MCF2L: variants seen among roughly 807,000 people sequenced by gnomAD.
MCF2L encodes guanine nucleotide exchange factor DBS.
MCF2L carries 97 observed loss-of-function variants against 153.4 expected under a neutral mutation model. That is an observed-to-expected ratio of 0.63 (90% CI 0.54 to 0.75). The LOEUF (loss-of-function observed/expected upper bound fraction) is 0.75, where lower values mean the gene tolerates loss of function less well. Among genes scored for constraint, MCF2L ranks in the 30% least tolerant of loss-of-function variants. MCF2L has a pLI of 0.00. For synonymous variants in MCF2L, 659 were observed against 632.2 expected (o/e 1.04, Z -0.64); for missense variants, 1,347 against 1,495.2 (o/e 0.90, Z 1.64).
rs1047262347 is a variant in MCF2L, at chr13:113,070,115, A to G, written c.938A>G (p.His313Arg). The change falls in exon 9 of 30, where the codon CAT becomes CGT. Residue 313 changes from histidine to arginine, a missense_variant. By Grantham distance (29) the His-to-Arg change is conservative. Transcript: ENST00000535094. The surrounding 1 kb of genome is among the most constrained non-coding windows in gnomAD (Gnocchi z 5.6). ...EAAFDEFWAK[H>R]QQKLEQCLQL... is the part of the protein sequence containing the mutation. ...GCCTTCGATGAGTTCTGGGCAAAGC[A>G]TCAGCAGAAACTGGAGCAGTGTCTG... 1.2e-6 allele frequency: 2 copies of G among 1,610,058 alleles called. No homozygotes were observed. The highest frequency in any genetic ancestry group is 8.5e-7 in the Non-Finnish European group (1 of 1,178,626).
chr13:112,903,297 T>A (rs1294585480), intron 2 of MCF2L, among the ~76,000 whole-genome samples: 1 of 152,240 alleles, frequency 6.6e-6, no homozygotes, highest in African/African-American at 2.4e-5. Context: ...GCATTTGCGC[T>A]GATTAGTGGA....
At chr13:113,024,156 C>T (rs1029639333) in intron 2 of MCF2L, among the ~76,000 whole-genome samples, 2 of 152,284 alleles carry the variant, frequency 1.3e-5, no homozygotes, top group African/African-American at 2.4e-5. Flanking sequence ...GCTTAAAAGG[C>T]GCCAATGTCG....
At chr13:112,947,510 C>T (rs941718451) in intron 2 of MCF2L, among the ~76,000 whole-genome samples, 1 of 152,224 alleles carries the variant, frequency 6.6e-6, no homozygotes, top group Non-Finnish European at 1.5e-5. Context: ...AATGGTGGGA[C>T]AGGCATAGGA....
rs61222550 is a variant in MCF2L at position 112,934,555 on chromosome 13, A to ATGCTGCTGCTGCTGCTGCTGC, written c.169+32190_169+32210dup. Among the ~76,000 whole-genome samples, 902 of 147,466 alleles carry ATGCTGCTGCTGCTGCTGCTGC rather than the reference A, an allele frequency of 6.1e-3. 8 individuals are homozygous for ATGCTGCTGCTGCTGCTGCTGC. The highest frequency in any genetic ancestry group is 0.014 in the South Asian group (65 of 4,514). ...CCAAGAGTGTGCAGATTTCCAGGGGATGCTGCTGCTGCTGCTGCTGCTGCT... is the reference window on the plus strand; with the variant it reads ...CCAAGAGTGTGCAGATTTCCAGGGGATGCTGCTGCTGCTGCTGCTGCTGCTGCTGCTGCTGCTGCTGCTGCT... On this transcript the variant is annotated intron_variant, in intron 2 of 29. Coordinates refer to the MCF2L transcript ENST00000375608.
intron 1 of MCF2L, among the ~76,000 whole-genome samples, chr13:112,978,418 A>G (rs1259257314): frequency 6.6e-6 from 1 of 152,244 alleles, no homozygotes; most frequent in Admixed American, 6.5e-5. Context: ...CTTTCCTGGC[A>G]GAAGCTGGCT....
chr13:113,087,037 G>A (rs559030598), intron 21 of MCF2L, among the ~76,000 whole-genome samples, 198 bp from the exon 22 acceptor site: 5 of 152,124 alleles, frequency 3.3e-5, no homozygotes, highest in African/African-American at 7.2e-5. Context: ...CATGTGCCCC[G>A]CCAGTCCATC....
upstream of MCF2L, chr13:112,967,480 C>G (rs1052751891): frequency 6.6e-6 from 1 of 152,256 alleles, no homozygotes; most frequent in Non-Finnish European, 1.5e-5. Context: ...AAAAACAAAG[C>G]AGCCATTTCT....
intron 24 of MCF2L, 60 bp from the exon 25 acceptor site, chr13:113,088,502 G>T (rs2034859625): frequency 6.2e-7 from 1 of 1,607,426 alleles, no homozygotes; most frequent in Non-Finnish European, 8.5e-7. Context: ...CATGCGCAAG[G>T]TGCCTCGGCG....
intron 11 of MCF2L, 32 bp downstream of exon 11, chr13:113,075,221 C>T (rs3764120): frequency 0.083 from 128,690 of 1,552,292 alleles, 6,250 homozygotes; most frequent in East Asian, 0.23. Flanking sequence ...CCCACTCCCC[C>T]CCAGCTGCGG....
intron 2 of MCF2L, chr13:112,910,554 A>C (rs1189414252): frequency 6.6e-6 from 1 of 152,262 alleles, no homozygotes; most frequent in African/African-American, 2.4e-5. Flanking sequence ...TTTTGTAAAC[A>C]CCAAATATGT....
At position 113,064,343 on chromosome 13, in the gene MCF2L, A is replaced by G; in HGVS notation, c.529A>G (p.Ile177Val). The G allele has an allele frequency of 1.2e-6, 2 of 1,613,038 alleles. No homozygotes were observed. The highest frequency in any genetic ancestry group is 1.7e-6 in the Non-Finnish European group (2 of 1,179,960). ...CTCCGTACCAGACTTACACGGTTAC[A>G]TCGATAAGTCGCAGCTGACCGAGGA... ...LSSVPDLHGY[I>V]DKSQLTEDLG... The change falls in exon 6 of 30, where the codon ATC becomes GTC. Residue 177 changes from isoleucine (I) to valine (V), a missense_variant. By Grantham distance (29) the Ile-to-Val change is conservative. Coordinates refer to ENST00000535094, the MANE Select transcript of MCF2L (RefSeq NM_001112732.3). This position sits in a 1 kb window ranked among gnomAD's most constrained non-coding sequence, Gnocchi z 6.0.
intron 3 of MCF2L, among the ~76,000 whole-genome samples, chr13:113,029,936 C>T (rs576777501): frequency 6.6e-6 from 1 of 152,356 alleles, no homozygotes; most frequent in South Asian, 2.1e-4. Flanking sequence ...GGGGTTTCAA[C>T]TGTTACATTC....
At position 113,064,956 on chromosome 13, in the gene MCF2L, C is replaced by T. The variant is rs369292616; in HGVS notation, c.627C>T (p.Leu209=). ...CQRTAIESFA[L]MVKQTAQMLQ... ...CCAAGGCCATCGAAAGTTTCGCCCT[C>T]ATGGTGAAGCAGACGGCTCAGATGC... The change falls in exon 7 of 30, where the codon CTC becomes CTT. Residue 209 remains leucine (L), a synonymous_variant. Coordinates refer to ENST00000535094, the MANE Select transcript of MCF2L (RefSeq NM_001112732.3). The surrounding 1 kb of genome is among the most constrained non-coding windows in gnomAD (Gnocchi z 6.0). 3.7e-6 allele frequency: 6 copies of T among 1,612,910 alleles called. No homozygotes were observed. In the African/African-American group the frequency reaches 6.7e-5, roughly 18 times the overall value.
intron 1 of MCF2L, among the ~76,000 whole-genome samples, chr13:112,999,203 GC>G (rs372686027): frequency 3.3e-5 from 5 of 152,200 alleles, no homozygotes; most frequent in African/African-American, 1.2e-4. Context: ...GGTGACTGTT[GC>G]GTGGCCCCCT....
Position 113,097,049 on chromosome 13 carries a change from C to A in MCF2L, c.*190C>A. The A allele has an allele frequency of 2.6e-6, 1 of 390,860 alleles. No homozygotes were observed. Among genetic ancestry groups the A allele is most frequent in the Non-Finnish European group, 4.5e-6 (1 of 223,402 alleles). 24.2% of individuals were successfully genotyped at this position (390,860 alleles called of 1,614,324 possible). On this transcript the variant is annotated 3_prime_UTR_variant, in exon 30 of 30. Transcript: ENST00000535094. ...GAAGACCCCGGCCCGCTGGGGCTTCCCCGGAGACTCCAGAGCCCACAGAGG... is the reference window on the plus strand; with the variant it reads ...GAAGACCCCGGCCCGCTGGGGCTTCACCGGAGACTCCAGAGCCCACAGAGG...
At chr13:112,901,559 G>A (rs1006933931) in intron 1 of MCF2L, among the ~76,000 whole-genome samples, 3 of 152,226 alleles carry the variant, frequency 2.0e-5, no homozygotes, top group Non-Finnish European at 4.4e-5. Flanking sequence ...AAGACAGCAC[G>A]GAAAGGCACC....
rs1566850177 is a variant in MCF2L at position 113,076,089 on chromosome 13, G to A, written c.1432G>A (p.Glu478Lys). 3 of 1,614,028 alleles carry A rather than the reference G, an allele frequency of 1.9e-6. No homozygotes were observed. In the East Asian group the frequency reaches 6.7e-5, roughly 36 times the overall value. Residue 478 changes from glutamate to lysine, a missense_variant, in exon 12 of 30, where the codon GAA becomes AAA. By Grantham distance (56) the Glu-to-Lys change is moderately conservative (BLOSUM62 1). This residue lies in a region of MCF2L where 820 missense variants were observed against 921.2 expected (regional missense o/e 0.89). Coordinates refer to ENST00000535094, the MANE Select transcript of MCF2L (RefSeq NM_001112732.3). ...EIEKFLETGA[E>K]NKIQELNAIY... ...CGAGAAGTTTTTGGAGACCGGTGCG[G>A]AAAATAAGATCCAGGAGCTCAACGC...
chr13:113,083,915 T>A, intron 17 of MCF2L, 83 bp from the exon 18 acceptor site: 1 of 1,026,058 alleles, frequency 9.7e-7, no homozygotes, highest in Non-Finnish European at 1.6e-6. Flanking sequence ...AACAGGCTTC[T>A]GAAAAATGAC....
chr13:112,915,965 G>A (rs943383924), intron 2 of MCF2L, among the ~76,000 whole-genome samples: 5 of 151,926 alleles, frequency 3.3e-5, no homozygotes, highest in East Asian at 1.9e-4. Context: ...TTGGGAGGCC[G>A]AGGCATGTGG....
Sources: allele counts gnomAD v4.1 joint callset (sites outside exome capture counted in the v4.1 genomes callset), GRCh38; gene constraint gnomAD v4.1.1; regional missense constraint gnomAD v4.1.1; non-coding constraint Gnocchi (gnomAD v3.1); transcripts MANE v1.5; gene names NCBI Gene and HGNC (gene_info 2026-07-23, HGNC 2026-07-21).